The following DIP2B variants were observed in gnomAD, a reference collection of about 807,000 sequenced individuals.
DIP2B encodes the protein disco-interacting protein 2 homolog B.
DIP2B carries 76 observed loss-of-function variants against 198.0 expected under a neutral mutation model. The observed-to-expected ratio is 0.38, with a 90% CI of 0.32 to 0.46. DIP2B has a LOEUF of 0.46. Among genes scored for constraint, DIP2B ranks in the 20% least tolerant of loss-of-function variants. The pLI, the probability that DIP2B is intolerant of heterozygous loss-of-function variation, is 0.99. For missense variants in DIP2B, 1,559 were observed against 1,978.4 expected (o/e 0.79, Z 4.02); for synonymous variants, 701 against 739.1 (o/e 0.95, Z 0.84).
At chr12:50,638,881 T>C (rs560411155) in intron 2 of DIP2B, among the ~76,000 whole-genome samples, 1 of 149,386 alleles carries the variant, frequency 6.7e-6, no homozygotes, top group Non-Finnish European at 1.5e-5. Context: ...TTTTTTGGAA[T>C]ATTTACATTA....
At position 50,535,368 on chromosome 12, in the gene DIP2B, A is replaced by ATT. The variant is rs35491499; in HGVS notation, c.100+30145_100+30146dup. 5.6e-3 allele frequency among the ~76,000 whole-genome samples: 792 copies of ATT among 141,832 alleles called. 1 individual carries two copies. The highest frequency in any genetic ancestry group is 9.1e-3 in the Non-Finnish European group (590 of 64,838). 93.0% of individuals were successfully genotyped at this position (141,832 alleles called of 152,430 possible). A position where few individuals can be genotyped will look rare whatever the true frequency, so the allele number is the denominator to read the frequency against. On this transcript the variant is annotated intron_variant, in intron 1 of 37. Coordinates refer to ENST00000301180, the MANE Select transcript of DIP2B (RefSeq NM_173602.3). ...ATTGCTTGAGCCCAGGAATCAGGAA[A>ATT]TTTTTTTTTTTTTTTTTTGAAACAG...
chr12:50,555,454 T>A (rs1958462169), intron 1 of DIP2B, among the ~76,000 whole-genome samples: 1 of 152,188 alleles, frequency 6.6e-6, no homozygotes, highest in Non-Finnish European at 1.5e-5. Context: ...ATTTTGTCGC[T>A]GCTATCACTT....
chr12:50,716,958 CTTTT>C (rs4026694), intron 23 of DIP2B, among the ~76,000 whole-genome samples: 39 of 58,942 alleles, frequency 6.6e-4, no homozygotes, highest in African/African-American at 2.0e-3. Flanking sequence ...CGAATTGTTG[CTTTT>C]TTTTTTTTTT....
At chr12:50,717,483 A>G (rs1939749431) in intron 23 of DIP2B, among the ~76,000 whole-genome samples, 2 of 147,104 alleles carry the variant, frequency 1.4e-5, no homozygotes, top group Non-Finnish European at 3.0e-5. Context: ...CTCCTGCCTC[A>G]GCCTCCCAAG....
intron 1 of DIP2B, among the ~76,000 whole-genome samples, chr12:50,518,713 G>A (rs1958088385): frequency 6.6e-6 from 1 of 151,490 alleles, no homozygotes; most frequent in Admixed American, 6.6e-5. Context: ...TAACTGGTAT[G>A]TCTCATTTTC....
intron 23 of DIP2B, among the ~76,000 whole-genome samples, chr12:50,716,957 G>GTTTTTTTTTTTTTTTTTTTTT (rs1592140618): frequency 2.6e-4 from 2 of 7,784 alleles, no homozygotes; most frequent in Non-Finnish European, 4.5e-4. Context: ...ACGAATTGTT[G>GTTTTTTTTTTTTTTTTTTTTT]CTTTTTTTTT....
intron 1 of DIP2B, among the ~76,000 whole-genome samples, chr12:50,598,534 C>G (rs547233442): frequency 2.0e-5 from 3 of 151,902 alleles, no homozygotes; most frequent in Non-Finnish European, 4.4e-5. Flanking sequence ...TTTTGCAACA[C>G]CAAATTCCTC....
chr12:50,704,581 G>A (rs914014812), intron 20 of DIP2B, among the ~76,000 whole-genome samples: 5 of 152,190 alleles, frequency 3.3e-5, no homozygotes, highest in Non-Finnish European at 2.9e-5. Context: ...GTTATCTTCA[G>A]TAGCAAAGAC....
At chr12:50,565,714 C>G (rs531571439) in intron 1 of DIP2B, among the ~76,000 whole-genome samples, 1 of 152,252 alleles carries the variant, frequency 6.6e-6, no homozygotes, top group Non-Finnish European at 1.5e-5. Context: ...ATTAAAAAGG[C>G]ATCATTTCAC....
intron 1 of DIP2B, among the ~76,000 whole-genome samples, chr12:50,611,694 C>G (rs1039239134): frequency 1.3e-5 from 2 of 152,136 alleles, no homozygotes; most frequent in African/African-American, 4.8e-5. Flanking sequence ...CCTTCAGTCG[C>G]TCTTTCACCC....
At chr12:50,545,050 A>C (rs1212770304) in intron 1 of DIP2B, among the ~76,000 whole-genome samples, 1 of 152,114 alleles carries the variant, frequency 6.6e-6, no homozygotes, top group Non-Finnish European at 1.5e-5. Flanking sequence ...ACTGTACCAC[A>C]TTCATTTATT....
chr12:50,616,428 C>G (rs1172818953), intron 1 of DIP2B, among the ~76,000 whole-genome samples: 1 of 152,182 alleles, frequency 6.6e-6, no homozygotes. Flanking sequence ...AATAAAAATT[C>G]TCATCTTCTT....
In DIP2B at chr12:50,587,664, A is replaced by G. The variant is rs576311405; in HGVS notation, c.101-38312A>G. On this transcript the variant is annotated intron_variant, in intron 1 of 37. Coordinates refer to ENST00000301180, the MANE Select transcript of DIP2B (RefSeq NM_173602.3). ...TTTTCTTCCTCCTTCAGTGTCTCCT[A>G]TGTTTTGAGATCTTATATGGAAGCA... 6.6e-5 allele frequency among the ~76,000 whole-genome samples: 10 copies of G among 152,120 alleles called. No homozygotes were observed. In the South Asian group the frequency reaches 8.3e-4, roughly 13 times the overall value.
At chr12:50,732,621 TG>T in intron 32 of DIP2B, 85 bp downstream of exon 32, 2 of 1,535,706 alleles carry the variant, frequency 1.3e-6, no homozygotes, top group Non-Finnish European at 8.9e-7. Context: ...CCAGGCTGCC[TG>T]GGCTTGGGCC....
chr12:50,538,915 T>C (rs1256609676), intron 1 of DIP2B, among the ~76,000 whole-genome samples: 2 of 152,216 alleles, frequency 1.3e-5, no homozygotes, highest in Non-Finnish European at 2.9e-5. Flanking sequence ...TTTCCAGCTT[T>C]CTATGCTCCT....
intron 1 of DIP2B, among the ~76,000 whole-genome samples, chr12:50,584,844 G>A (rs916439703): frequency 6.6e-6 from 1 of 152,174 alleles, no homozygotes; most frequent in Non-Finnish European, 1.5e-5. Flanking sequence ...AATTACAGGC[G>A]TGAACCACCG....
rs139814945 is a variant in DIP2B at position 50,720,809 on chromosome 12, G to A, written c.3043-464G>A. Among the ~76,000 whole-genome samples, 693 of 152,122 alleles carry A rather than the reference G, an allele frequency of 4.6e-3. 7 individuals carry two copies. The highest frequency in any genetic ancestry group is 0.016 in the African/African-American group (656 of 41,512). On this transcript the variant is annotated intron_variant, in intron 25 of 37. Transcript: ENST00000301180. Reference sequence around the variant, plus strand: ...CAGAACAAAAAAAGAAAGAAAAAGCGTCCCATACATGTCTTTTTGTTTGAT... The same window carrying A: ...CAGAACAAAAAAAGAAAGAAAAAGCATCCCATACATGTCTTTTTGTTTGAT...
At chr12:50,718,485 T>C (rs896569500) in intron 23 of DIP2B, among the ~76,000 whole-genome samples, 11 of 152,180 alleles carry the variant, frequency 7.2e-5, no homozygotes, top group African/African-American at 2.7e-4. Context: ...TTCCAGTACT[T>C]TGCACTATTT....
At chr12:50,615,953 G>A (rs1937693893) in intron 1 of DIP2B, among the ~76,000 whole-genome samples, 1 of 152,194 alleles carries the variant, frequency 6.6e-6, no homozygotes, top group South Asian at 2.1e-4. Flanking sequence ...CTTCTTCTTT[G>A]CAGGCATGGT....
Sources: allele counts gnomAD v4.1 joint callset (sites outside exome capture counted in the v4.1 genomes callset), GRCh38; gene constraint gnomAD v4.1.1; transcripts MANE v1.5; gene names NCBI Gene and HGNC (gene_info 2026-07-23, HGNC 2026-07-21).